Variants in STXBP3 observed in about 807,000 individuals in gnomAD.
STXBP3 encodes syntaxin binding protein 3.
STXBP3 carries 41 observed loss-of-function variants against 85.7 expected under a neutral mutation model. The ratio of observed to expected loss-of-function variants is 0.48; its 90% CI spans 0.37 to 0.62. The LOEUF (loss-of-function observed/expected upper bound fraction) is 0.62. Among genes scored for constraint, STXBP3 ranks in the 20% least tolerant of loss-of-function variants. STXBP3 has a pLI of 0.00. For missense variants in STXBP3, 563 were observed against 703.1 expected (o/e 0.80, Z 2.25); for synonymous variants, 229 against 231.7 (o/e 0.99, Z 0.10).
At chr1:108,759,653 G>A (rs1302454401) in intron 5 of STXBP3, among the ~76,000 whole-genome samples, 2 of 152,158 alleles carry the variant, frequency 1.3e-5, no homozygotes, top group African/African-American at 4.8e-5. Flanking sequence ...AAATTTCTAA[G>A]ATGTCCTGAA....
intron 12 of STXBP3, among the ~76,000 whole-genome samples, chr1:108,794,121 T>C (rs773106156): frequency 2.6e-5 from 4 of 152,222 alleles, no homozygotes; most frequent in Admixed American, 6.5e-5. Context: ...TGTGTTAAAA[T>C]ACTTGAAACA....
Position 108,808,805 on chromosome 1 carries a change from C to G in STXBP3, c.1707C>G (p.Pro569=). ...VIIGSTHVLT[P]KKLLDDIKML... ...CAGGTTCTACACATGTTTTAACACCCAAAAAGCTGTTGGATGATATAAAGA... is the reference window on the plus strand; with the variant it reads ...CAGGTTCTACACATGTTTTAACACCGAAAAAGCTGTTGGATGATATAAAGA... Residue 569 remains proline (P), a synonymous_variant, in exon 19 of 19, where the codon CCC becomes CCG. Transcript: ENST00000370008. 5 of 1,612,700 alleles carry G rather than the reference C, an allele frequency of 3.1e-6. No homozygotes were observed. The highest frequency in any genetic ancestry group is 1.7e-4 in the Middle Eastern group (1 of 6,054).
chr1:108,776,259 G>T, intron 7 of STXBP3, 74 bp from the exon 8 acceptor site: 23 of 922,214 alleles, frequency 2.5e-5, no homozygotes, highest in South Asian at 1.4e-4. Context: ...TTTAATTTTA[G>T]AATTAAACTT....
chr1:108,798,358 G>A (rs1663158632), intron 16 of STXBP3, 121 bp downstream of exon 16: 1 of 550,432 alleles, frequency 1.8e-6, no homozygotes, highest in Non-Finnish European at 3.0e-6. Flanking sequence ...AGTGGTTGGA[G>A]GCTTCACAAA....
At chr1:108,800,087 A>C in intron 16 of STXBP3, 133 bp from the exon 17 acceptor site, 1 of 659,500 alleles carries the variant, frequency 1.5e-6, no homozygotes, top group South Asian at 1.7e-5. Flanking sequence ...TGAGTTTCAA[A>C]GAAAAGACTA....
chr1:108,748,986 G>A lies in STXBP3; in HGVS notation c.49+2200G>A, dbSNP rs183997419. ...AGCATTTGAGGGAATTTCGAGGTGT[G>A]TATTAATATAAACAAAGGGTTGTAT... On this transcript the variant is annotated intron_variant, in intron 1 of 18. Coordinates refer to ENST00000370008, the MANE Select transcript of STXBP3 (RefSeq NM_007269.4). Among the ~76,000 whole-genome samples the A allele has an allele frequency of 6.5e-3, 992 of 152,308 alleles. 14 individuals carry two copies. The highest frequency in any genetic ancestry group is 0.022 in the African/African-American group (929 of 41,562).
chr1:108,768,523 G>C (rs931626540), intron 6 of STXBP3, among the ~76,000 whole-genome samples: 1 of 152,168 alleles, frequency 6.6e-6, no homozygotes, highest in African/African-American at 2.4e-5. Context: ...TAAAGATACA[G>C]AATCAGAAGA....
chr1:108,808,254 G>A (rs555960370), intron 18 of STXBP3, among the ~76,000 whole-genome samples: 2 of 152,212 alleles, frequency 1.3e-5, no homozygotes, highest in South Asian at 2.1e-4. Context: ...GCTCAGGCCT[G>A]TAATTCCAGC....
intron 3 of STXBP3, among the ~76,000 whole-genome samples, chr1:108,756,091 A>C (rs896303398): frequency 6.6e-6 from 1 of 152,212 alleles, no homozygotes; most frequent in African/African-American, 2.4e-5. Flanking sequence ...AAAGTTTATT[A>C]ACTTTATATT....
rs78839163 is a variant in STXBP3, at chr1:108,776,928, G to A, written c.684+505G>A. 2.2e-3 allele frequency among the ~76,000 whole-genome samples: 341 copies of A among 152,178 alleles called. 4 individuals carry two copies. The highest frequency in any genetic ancestry group is 7.8e-3 in the African/African-American group (322 of 41,530). On this transcript the variant is annotated intron_variant, in intron 8 of 18. Coordinates refer to ENST00000370008, the MANE Select transcript of STXBP3 (RefSeq NM_007269.4). ...TGAAATAATATATACCTTGCTAGGC[G>A]GTATGAGGATTAAGTTAGCATGTAA...
rs1313026391 is a variant in STXBP3, at chr1:108,789,481, AT to A, written c.964-4098del. Among the ~76,000 whole-genome samples the A allele has an allele frequency of 2.0e-5, 3 of 152,110 alleles. No homozygotes were observed. The South Asian group carries it at 6.2e-4, about 32-fold the overall frequency. On this transcript the variant is annotated intron_variant, in intron 11 of 18. Transcript: ENST00000370008. ...CCTGAGTTGGAGTTTTAGAACATTG[AT>A]TTCCAACCTTTCTTCTGTTCTATTG...
chr1:108,805,338 T>G (rs1266297752), intron 17 of STXBP3, among the ~76,000 whole-genome samples: 1 of 152,176 alleles, frequency 6.6e-6, no homozygotes, highest in Admixed American at 6.5e-5. Flanking sequence ...AATTTTAGTT[T>G]TTAAAATTTG....
At chr1:108,761,777 C>T (rs1024215036) in intron 6 of STXBP3, among the ~76,000 whole-genome samples, 1 of 152,022 alleles carries the variant, frequency 6.6e-6, no homozygotes, top group Admixed American at 6.6e-5. Context: ...TCAAGACCAG[C>T]CTGGCCAACA....
At chr1:108,773,454 A>G (rs1759477) in intron 7 of STXBP3, among the ~76,000 whole-genome samples, 39,126 of 152,102 alleles carry the variant, frequency 0.26, 5,432 homozygotes, top group African/African-American at 0.32. Flanking sequence ...CCAAACTTCT[A>G]CATAAAGACC....
intron 3 of STXBP3, among the ~76,000 whole-genome samples, chr1:108,756,361 G>A (rs1325872361): frequency 6.6e-6 from 1 of 151,906 alleles, no homozygotes; most frequent in Non-Finnish European, 1.5e-5. Flanking sequence ...TTAAGCTTCA[G>A]TTTCCTCATT....
intron 6 of STXBP3, chr1:108,766,784 A>G (rs1477445565): frequency 4.7e-6 from 1 of 214,372 alleles, no homozygotes; most frequent in African/African-American, 2.4e-5. Context: ...AAGTTTTCTT[A>G]GCTCAAACCC....
At chr1:108,747,689 T>C (rs1011729109) in intron 1 of STXBP3, among the ~76,000 whole-genome samples, 4 of 152,224 alleles carry the variant, frequency 2.6e-5, no homozygotes, top group Non-Finnish European at 2.9e-5. Context: ...AAAAAACAAA[T>C]GATTTAGTCA....
intron 11 of STXBP3, 146 bp from the exon 12 acceptor site, chr1:108,793,436 C>A (rs1663020919): frequency 5.5e-6 from 3 of 549,018 alleles, no homozygotes; most frequent in Non-Finnish European, 9.5e-6. Flanking sequence ...AAACTGGAAG[C>A]CTCCTAAATT....
At chr1:108,766,732 A>G (rs1454634386) in intron 6 of STXBP3, 1 of 166,508 alleles carries the variant, frequency 6.0e-6, no homozygotes, top group Non-Finnish European at 1.3e-5. Context: ...AATCATAAGT[A>G]AAATTATTCT....
Sources: gnomAD v4.1 joint callset for allele counts (sites outside exome capture counted in the v4.1 genomes callset) on GRCh38, gnomAD v4.1.1 for gene constraint, MANE v1.5 for transcripts, NCBI Gene and HGNC (gene_info 2026-07-23, HGNC 2026-07-21) for gene names.